MEGF11: variants seen among roughly 807,000 people sequenced by gnomAD.
MEGF11 encodes the protein multiple epidermal growth factor-like domains protein 11.
Under a neutral mutation model 146.6 loss-of-function variants are expected in MEGF11, and 126 were observed. The observed-to-expected ratio is 0.86, with a 90% CI of 0.74 to 1.00. The LOEUF is 1.00. Among genes scored for constraint, MEGF11 ranks in the 50% least tolerant of loss-of-function variants. The pLI is 0.00. For synonymous variants in MEGF11, 532 were observed against 583.4 expected, an observed-to-expected ratio of 0.91 and a Z score of 1.27; for missense variants, 1,509 against 1,521.2, an observed-to-expected ratio of 0.99 and a Z score of 0.13.
chr15:66,210,475 G>A (rs1017048133), intron 1 of MEGF11, among the ~76,000 whole-genome samples: 17 of 152,122 alleles, frequency 1.1e-4, no homozygotes, highest in Non-Finnish European at 1.9e-4. Flanking sequence ...AAGTTTGATC[G>A]CTAAGGGGAG....
chr15:66,238,865 A>G (rs192635189), intron 1 of MEGF11, among the ~76,000 whole-genome samples: 28 of 151,732 alleles, frequency 1.8e-4, no homozygotes, highest in Admixed American at 1.8e-3. Context: ...TCACCTTCAA[A>G]TAAACCATCT....
intron 1 of MEGF11, among the ~76,000 whole-genome samples, chr15:66,153,310 C>T (rs1048374840): frequency 1.3e-5 from 2 of 152,156 alleles, no homozygotes; most frequent in Non-Finnish European, 2.9e-5. Flanking sequence ...CGCGGTGGCT[C>T]ACACCTGTAA....
chr15:66,113,293 G>A (rs1017815302), intron 4 of MEGF11, among the ~76,000 whole-genome samples: 3 of 152,142 alleles, frequency 2.0e-5, no homozygotes, highest in Non-Finnish European at 4.4e-5. Flanking sequence ...AGCTGCATAC[G>A]TGCCTGGAGT....
chr15:66,243,485 G>T (rs1490939890), intron 1 of MEGF11, among the ~76,000 whole-genome samples: 1 of 152,184 alleles, frequency 6.6e-6, no homozygotes, highest in Non-Finnish European at 1.5e-5. Flanking sequence ...GGTGCAGAAG[G>T]GCGGCCAGCT....
rs80301344 is a variant in MEGF11, at chr15:66,104,858, C to T, written c.302-10364G>A. Among the ~76,000 whole-genome samples, 566 of 152,254 alleles carry T rather than the reference C, an allele frequency of 3.7e-3. 4 individuals carry two copies. The highest frequency in any genetic ancestry group is 0.013 in the African/African-American group (539 of 41,540). On this transcript the variant is annotated intron_variant, in intron 4 of 25. Transcript: ENST00000395614. ...GTGGCTCCCTGCTAGAGGCAAAACG[C>T]GAGTCCTCTCAACTTGGGTTCAGTG...
intron 1 of MEGF11, among the ~76,000 whole-genome samples, chr15:66,138,878 G>C (rs979171553): frequency 6.6e-6 from 1 of 152,324 alleles, no homozygotes; most frequent in South Asian, 2.1e-4. Flanking sequence ...CTCTGATGGG[G>C]CGTATGGGAT....
chr15:66,098,749 C>A (rs1003920378), intron 4 of MEGF11, among the ~76,000 whole-genome samples: 3 of 152,192 alleles, frequency 2.0e-5, no homozygotes, highest in Non-Finnish European at 2.9e-5. Context: ...CCACGTGGAC[C>A]CAAGTGCCAA....
chr15:66,005,982 C>T (rs2082508321), intron 5 of MEGF11, among the ~76,000 whole-genome samples: 1 of 152,204 alleles, frequency 6.6e-6, no homozygotes, highest in Admixed American at 6.5e-5. Context: ...ACCGAAATGG[C>T]TGTAAGAGTA....
At chr15:66,226,744 G>A (rs923767318) in intron 1 of MEGF11, among the ~76,000 whole-genome samples, 3 of 152,022 alleles carry the variant, frequency 2.0e-5, no homozygotes, top group African/African-American at 7.3e-5. Context: ...GCATCCACTG[G>A]GGGGGCTTGG....
chr15:65,919,989 C>T (rs2079124857), intron 15 of MEGF11, among the ~76,000 whole-genome samples: 1 of 152,164 alleles, frequency 6.6e-6, no homozygotes, highest in South Asian at 2.1e-4. Flanking sequence ...ACAAGGTATG[C>T]CTGTATTTAG....
intron 1 of MEGF11, among the ~76,000 whole-genome samples, chr15:66,225,834 C>T (rs559341629): frequency 1.1e-4 from 17 of 152,208 alleles, no homozygotes; most frequent in African/African-American, 2.9e-4. Flanking sequence ...GCACACAGCA[C>T]GTAACAGCTT....
chr15:66,007,721 C>T (rs555712112), intron 5 of MEGF11, among the ~76,000 whole-genome samples: 108 of 152,256 alleles, frequency 7.1e-4, no homozygotes, highest in Non-Finnish European at 1.2e-3. Flanking sequence ...CACTGCACTC[C>T]AGCCTGGGCA....
chr15:66,070,968 C>A (rs1040904642), intron 5 of MEGF11, among the ~76,000 whole-genome samples: 1 of 152,102 alleles, frequency 6.6e-6, no homozygotes, highest in Non-Finnish European at 1.5e-5. Context: ...AATCTCCCCA[C>A]CCCTCAAGAA....
intron 5 of MEGF11, among the ~76,000 whole-genome samples, chr15:65,998,023 G>A (rs985063271): frequency 6.6e-6 from 1 of 152,092 alleles, no homozygotes; most frequent in Non-Finnish European, 1.5e-5. Context: ...GTCAAGGCAC[G>A]GGCAGGGGTG....
At chr15:66,003,638 C>T (rs888443746) in intron 5 of MEGF11, among the ~76,000 whole-genome samples, 1 of 152,140 alleles carries the variant, frequency 6.6e-6, no homozygotes. Context: ...CTCTGCCCAC[C>T]CCAGAATGGT....
intron 5 of MEGF11, among the ~76,000 whole-genome samples, chr15:66,000,340 G>A (rs146666751): frequency 6.6e-6 from 1 of 152,264 alleles, no homozygotes; most frequent in East Asian, 1.9e-4. Flanking sequence ...GCCGGCTTGG[G>A]CAACATAGTG....
Position 65,982,168 on chromosome 15 carries a change from C to A in MEGF11, c.641+74G>T. 32 of 1,035,118 alleles carry A rather than the reference C, an allele frequency of 3.1e-5. No individual in the cohort carries two copies. The highest frequency in any genetic ancestry group is 3.7e-5 in the East Asian group (1 of 27,356). 64.1% of individuals were successfully genotyped at this position (1,035,118 alleles called of 1,614,324 possible). ...CGCCCCAGCCCCTCCACCTCCTCTA[C>A]CCTCCCCACCCAGGCACCCTCCAGG... On this transcript the variant is annotated intron_variant, in intron 6 of 25. Transcript: ENST00000395614. The surrounding 1 kb of genome is among the most constrained non-coding windows in gnomAD (Gnocchi z 5.6).
At chr15:66,156,331 A>C (rs1710772005) in intron 1 of MEGF11, among the ~76,000 whole-genome samples, 3 of 152,026 alleles carry the variant, frequency 2.0e-5, no homozygotes, top group Admixed American at 2.0e-4. Flanking sequence ...TGGAATGTTC[A>C]TGATTAAACA....
At chr15:66,194,550 A>G (rs2090962346) in intron 1 of MEGF11, among the ~76,000 whole-genome samples, 1 of 152,094 alleles carries the variant, frequency 6.6e-6, no homozygotes, top group East Asian at 1.9e-4. Flanking sequence ...AGAGGCTGCC[A>G]TGAGCCAAGA....
Sources: gnomAD v4.1 joint callset for allele counts (sites outside exome capture counted in the v4.1 genomes callset) on GRCh38, gnomAD v4.1.1 for gene constraint, Gnocchi (gnomAD v3.1) non-coding constraint, MANE v1.5 for transcripts, NCBI Gene and HGNC (gene_info 2026-07-23, HGNC 2026-07-21) for gene names.